Variants in GAS7 observed in about 807,000 individuals in gnomAD.
GAS7 encodes growth arrest-specific protein 7.
Under a neutral mutation model 71.1 loss-of-function variants are expected in GAS7, and 28 were observed. The observed-to-expected ratio is 0.39, with a 90% CI of 0.29 to 0.54. GAS7 has a LOEUF of 0.54. Among genes scored for constraint, GAS7 ranks in the 20% least tolerant of loss-of-function variants. GAS7 has a pLI of 0.62. For synonymous variants in GAS7, 258 were observed against 245.8 expected (o/e 1.05, Z -0.46); for missense variants, 436 against 627.8 (o/e 0.69, Z 3.27).
chr17:10,055,325 A>C (rs1170572888), intron 1 of GAS7, among the ~76,000 whole-genome samples: 1 of 152,140 alleles, frequency 6.6e-6, no homozygotes, highest in South Asian at 2.1e-4. Context: ...AGAGGTAGGG[A>C]GAGTAGGAAC....
At chr17:10,020,612 T>TA (rs996913429) in intron 1 of GAS7, among the ~76,000 whole-genome samples, 103 of 148,482 alleles carry the variant, frequency 6.9e-4, no homozygotes, top group South Asian at 1.5e-3. Context: ...AGACAGATGC[T>TA]AAAAAAAAAA....
chr17:9,980,235 C>T (rs1260678023), intron 3 of GAS7, among the ~76,000 whole-genome samples: 1 of 152,172 alleles, frequency 6.6e-6, no homozygotes, highest in Non-Finnish European at 1.5e-5. Context: ...CTGTCATATG[C>T]CTAAGCAATA....
At chr17:10,168,795 A>C (rs904672589) in intron 1 of GAS7, among the ~76,000 whole-genome samples, 4 of 151,724 alleles carry the variant, frequency 2.6e-5, no homozygotes, top group Non-Finnish European at 5.9e-5. Context: ...ACATGGTGAA[A>C]CACCATCTCT....
rs397857157 is a variant in GAS7, at chr17:10,178,702, C to CTTTTTTTTTTTTTTT, written c.183+19491_183+19505dup. 6.9e-4 allele frequency among the ~76,000 whole-genome samples: 24 copies of CTTTTTTTTTTTTTTT among 34,590 alleles called. 7 individuals are homozygous for CTTTTTTTTTTTTTTT. Among genetic ancestry groups the CTTTTTTTTTTTTTTT allele is most frequent in the Admixed American group, 1.1e-3 (2 of 1,800 alleles). 22.7% of individuals were successfully genotyped at this position (34,590 alleles called of 152,430 possible). A position where few individuals can be genotyped will look rare whatever the true frequency, so the allele number is the denominator to read the frequency against. On this transcript the variant is annotated intron_variant, in intron 1 of 13. Coordinates refer to ENST00000432992, the MANE Select transcript of GAS7 (RefSeq NM_201433.2). ...TCAACTCCCCTCCCTCCCCCACCACCTTTTTTTTTTTTTTTTTTTTTTTTT... is the reference window on the plus strand; with the variant it reads ...TCAACTCCCCTCCCTCCCCCACCACCTTTTTTTTTTTTTTTTTTTTTTTTTTTTTTTTTTTTTTTT...
chr17:10,119,898 C>T (rs2073890938), intron 1 of GAS7, among the ~76,000 whole-genome samples: 1 of 152,190 alleles, frequency 6.6e-6, no homozygotes, highest in African/African-American at 2.4e-5. Context: ...CAGAGCCAGG[C>T]AGCCTGGGGA....
chr17:9,918,735 C>T (rs139107014), intron 12 of GAS7, among the ~76,000 whole-genome samples: 202 of 152,294 alleles, frequency 1.3e-3, no homozygotes, highest in Admixed American at 2.2e-3. Flanking sequence ...CAAAGGGGAG[C>T]GTGGAAAGGG....
At position 9,943,234 on chromosome 17, in the gene GAS7, A is replaced by G. The variant is rs761154476; in HGVS notation, c.618T>C (p.Ala206=). ...TEWSYCDYFW[A]DKKDPQGNGT... ...CGTTGCCTTGGGGGTCCTTCTTATCAGCCTACAAAGGAAGCAGAAGCACAA... is the reference window on the plus strand; with the variant it reads ...CGTTGCCTTGGGGGTCCTTCTTATCGGCCTACAAAGGAAGCAGAAGCACAA... The change falls in exon 7 of 14, where the codon GCT becomes GCC. Residue 206 remains alanine, a splice_region_variant and synonymous_variant. Transcript: ENST00000432992. 3 of 1,572,484 alleles carry G rather than the reference A, an allele frequency of 1.9e-6. No individual in the cohort carries two copies. The highest frequency in any genetic ancestry group is 1.1e-5 in the South Asian group (1 of 90,310).
In GAS7 at chr17:10,026,183, T is replaced by C. The variant is rs999732273; in HGVS notation, c.184-6286A>G. 29 of 985,404 alleles carry C rather than the reference T, an allele frequency of 2.9e-5. No individual in the cohort carries two copies. Among genetic ancestry groups the C allele is most frequent in the Non-Finnish European group, 3.4e-5 (28 of 829,948 alleles). The allele number at this position is 985,404 out of a possible 1,614,324, so 61.0% of individuals were successfully genotyped here. A position where few individuals can be genotyped will look rare whatever the true frequency, so the allele number is the denominator to read the frequency against. On this transcript the variant is annotated intron_variant, in intron 1 of 13. Coordinates refer to ENST00000432992, the MANE Select transcript of GAS7 (RefSeq NM_201433.2). This position sits in a 1 kb window ranked among gnomAD's most constrained non-coding sequence, Gnocchi z 4.5. The stretch of plus-strand genomic sequence containing the variant: ...AAAGCCGTGAGCAAACGCTACTCGC[T>C]GGTGTTAATGGGTGGTCGTCAGACA...
At chr17:9,942,177 C>T (rs1013690588) in intron 7 of GAS7, among the ~76,000 whole-genome samples, 1 of 151,950 alleles carries the variant, frequency 6.6e-6, no homozygotes, top group Non-Finnish European at 1.5e-5. Flanking sequence ...TCGCTTGAAC[C>T]CCGGAGATGG....
At chr17:9,979,873 A>C (rs529728034) in intron 3 of GAS7, among the ~76,000 whole-genome samples, 34 of 151,716 alleles carry the variant, frequency 2.2e-4, no homozygotes, top group East Asian at 7.8e-4. Flanking sequence ...AAAAAAAAAA[A>C]AAAACACAAG....
chr17:10,167,135 G>A (rs1045651691), intron 1 of GAS7, among the ~76,000 whole-genome samples: 17 of 125,938 alleles, frequency 1.3e-4, no homozygotes, highest in Admixed American at 3.9e-4. Context: ...TCGGCTCACC[G>A]CAACCTCCAC....
At chr17:10,042,994 G>T (rs2072894645) in intron 1 of GAS7, among the ~76,000 whole-genome samples, 1 of 152,284 alleles carries the variant, frequency 6.6e-6, no homozygotes, top group South Asian at 2.1e-4. Flanking sequence ...TGGGGAGTAG[G>T]GGTGAGTCTG....
chr17:9,957,032 A>G (rs3786102), intron 5 of GAS7, among the ~76,000 whole-genome samples: 124,719 of 152,192 alleles, frequency 0.82, 51,425 homozygotes, highest in Middle Eastern at 0.92. Flanking sequence ...GTCCTGGGCC[A>G]GCAGCCAGGA....
rs570673278 is a variant in GAS7, at chr17:9,929,726, C to T, written c.886-2957G>A. On this transcript the variant is annotated intron_variant, in intron 9 of 13. Transcript: ENST00000432992. Reference sequence around the variant, plus strand: ...TCTCCTGACCTCATGATCCGCCCGCCTCGGCCTCCCAAAGTGCTGGGATTA... The same window carrying T: ...TCTCCTGACCTCATGATCCGCCCGCTTCGGCCTCCCAAAGTGCTGGGATTA... Among the ~76,000 whole-genome samples the T allele has an allele frequency of 5.3e-5, 8 of 152,168 alleles. 1 individual carries two copies. The highest frequency in any genetic ancestry group is 1.2e-4 in the Non-Finnish European group (8 of 68,038).
At chr17:9,951,522 C>T (rs766474510) in intron 5 of GAS7, among the ~76,000 whole-genome samples, 13 of 152,066 alleles carry the variant, frequency 8.5e-5, no homozygotes, top group African/African-American at 2.9e-4. Context: ...TTTGGGAGGC[C>T]GAGATGGGTG....
intron 1 of GAS7, among the ~76,000 whole-genome samples, chr17:10,144,880 T>C (rs911860655): frequency 6.6e-6 from 1 of 152,242 alleles, no homozygotes; most frequent in African/African-American, 2.4e-5. Context: ...AAGTCTTTTA[T>C]GTCTTTGAGC....
chr17:10,114,452 G>A (rs886128045), intron 1 of GAS7: 3 of 152,090 alleles, frequency 2.0e-5, no homozygotes, highest in Non-Finnish European at 4.4e-5. Flanking sequence ...CTAAATCCCA[G>A]CTTCAGGGTC....
At chr17:10,065,266 G>C (rs1204812982) in intron 1 of GAS7, among the ~76,000 whole-genome samples, 2 of 152,224 alleles carry the variant, frequency 1.3e-5, no homozygotes, top group Non-Finnish European at 2.9e-5. Flanking sequence ...TTGTGGGTAA[G>C]CTTCTCTTCC....
At chr17:10,184,075 C>T (rs969899770) in intron 1 of GAS7, among the ~76,000 whole-genome samples, 1 of 152,188 alleles carries the variant, frequency 6.6e-6, no homozygotes, top group African/African-American at 2.4e-5. Context: ...AACCAGTTAT[C>T]CCCTTGGAAC....
Sources: gnomAD v4.1 joint callset for allele counts (sites outside exome capture counted in the v4.1 genomes callset) on GRCh38, gnomAD v4.1.1 for gene constraint, Gnocchi (gnomAD v3.1) non-coding constraint, MANE v1.5 for transcripts, NCBI Gene and HGNC (gene_info 2026-07-23, HGNC 2026-07-21) for gene names.